BRD4: variants seen among roughly 807,000 people sequenced by gnomAD.
The protein encoded by BRD4 is bromodomain containing 4, also known as bromodomain-containing protein 4.
In BRD4, 16 loss-of-function variants were observed where a neutral mutation model predicts 142.1. The observed-to-expected ratio is 0.11, with a 90% CI of 0.08 to 0.17. BRD4 has a LOEUF of 0.17. Ranked by LOEUF, BRD4 falls within the 10% of genes least tolerant of loss-of-function variation. BRD4 has a pLI of 1.00. For missense variants in BRD4, 1,424 were observed against 1,810.9 expected (o/e 0.79, Z 3.88); for synonymous variants, 833 against 707.5 (o/e 1.18, Z -2.82).
chr19:15,317,923 T>C (rs1158748125), intron 1 of BRD4, among the ~76,000 whole-genome samples: 1 of 152,192 alleles, frequency 6.6e-6, no homozygotes, highest in Non-Finnish European at 1.5e-5. Context: ...AGCTGAATGG[T>C]TTCCTACTGT....
intron 7 of BRD4, chr19:15,257,449 G>C (rs1001077739): frequency 2.8e-5 from 14 of 491,912 alleles, no homozygotes; most frequent in Non-Finnish European, 5.1e-5. Context: ...GCCCAGGCAA[G>C]GACATGAGAC....
Position 15,238,180 on chromosome 19 carries a change from G to A in BRD4, c.*197C>T, listed in dbSNP as rs200341856. On this transcript the variant is annotated 3_prime_UTR_variant, in exon 20 of 20. Transcript: ENST00000679869. This position sits in a 1 kb window ranked among gnomAD's most constrained non-coding sequence, Gnocchi z 7.2. ...TGTGAGGGGTGGTGGGTGGCGGGAC[G>A]TCTGTCCGACTGGCCGTAAGGCAGA... is the stretch of plus-strand genomic sequence containing the variant. 6.1e-6 allele frequency: 5 copies of A among 816,796 alleles called. No individual in the cohort carries two copies. Among genetic ancestry groups the A allele is most frequent in the South Asian group, 3.7e-5 (2 of 54,538 alleles). The allele number at this position is 816,796 out of a possible 1,614,324, so 50.6% of individuals were successfully genotyped here. A position where few individuals can be genotyped will look rare whatever the true frequency, so the allele number is the denominator to read the frequency against.
At chr19:15,259,671 C>A (rs1185109537) in intron 7 of BRD4, among the ~76,000 whole-genome samples, 1 of 152,190 alleles carries the variant, frequency 6.6e-6, no homozygotes, top group Non-Finnish European at 1.5e-5. Flanking sequence ...AACCCACAAG[C>A]CAGTGGGCCC....
At chr19:15,295,047 A>G (rs1415686916) in intron 1 of BRD4, among the ~76,000 whole-genome samples, 4 of 152,250 alleles carry the variant, frequency 2.6e-5, no homozygotes, top group African/African-American at 9.6e-5. Flanking sequence ...CTATTAAATA[A>G]AAGGTTCCAT....
chr19:15,254,527 G>A (rs2047384960), intron 10 of BRD4, among the ~76,000 whole-genome samples: 1 of 152,212 alleles, frequency 6.6e-6, no homozygotes, highest in Non-Finnish European at 1.5e-5. Context: ...AAGGATTCAA[G>A]AGACCAGGCA....
chr19:15,298,423 CTCAGGAGA>C (rs1175294642), intron 1 of BRD4, among the ~76,000 whole-genome samples: 1 of 151,526 alleles, frequency 6.6e-6, no homozygotes, highest in Non-Finnish European at 1.5e-5. Context: ...AGATCACGAG[CTCAGGAGA>C]TCAAGACCAG....
chr19:15,243,559 C>A, intron 13 of BRD4, 72 bp from the exon 14 acceptor site: 1 of 1,460,734 alleles, frequency 6.8e-7, no homozygotes, highest in East Asian at 2.6e-5. Context: ...CTGCTCCATC[C>A]TGACCTCATC....
intron 1 of BRD4, among the ~76,000 whole-genome samples, chr19:15,285,124 A>G (rs1347847406): frequency 6.6e-6 from 1 of 152,220 alleles, no homozygotes; most frequent in African/African-American, 2.4e-5. Context: ...TGCAGACTCA[A>G]GAGTCCATCA....
At chr19:15,243,617 C>A in intron 13 of BRD4, 130 bp from the exon 14 acceptor site, 3 of 1,384,106 alleles carry the variant, frequency 2.2e-6, no homozygotes, top group Non-Finnish European at 2.8e-6. Context: ...GGCACTCCCT[C>A]CCCACCTACC....
Position 15,244,094 on chromosome 19 carries a change from G to A in BRD4, c.2581+137C>T, listed in dbSNP as rs1180773685. 4.7e-6 allele frequency: 7 copies of A among 1,476,648 alleles called. 1 individual carries two copies. The South Asian group carries it at 5.0e-5, about 11-fold the overall frequency. 91.5% of individuals were successfully genotyped at this position (1,476,648 alleles called of 1,614,324 possible). On this transcript the variant is annotated intron_variant, in intron 13 of 19. Coordinates refer to ENST00000679869, the MANE Select transcript of BRD4 (RefSeq NM_001379291.1). ...CTCCTTTAACTTCCAAGATGGCCTC[G>A]AGAAGCCACAGATCTTCCCTCTAGA... is the stretch of plus-strand genomic sequence containing the variant.
In BRD4 at chr19:15,273,142, G is replaced by C; in HGVS notation, c.-34-9C>G. On this transcript the variant is annotated splice_polypyrimidine_tract_variant and intron_variant, in intron 1 of 19. Transcript: ENST00000679869. Reference sequence around the variant, plus strand: ...ATTCTTCACCAGGCACTCTACAAAGGAAGAGAAGAGCCCCCGTGAGATATC... The same window carrying C: ...ATTCTTCACCAGGCACTCTACAAAGCAAGAGAAGAGCCCCCGTGAGATATC... 6.5e-7 allele frequency: 1 copy of C among 1,540,226 alleles called. No individual in the cohort carries two copies. The highest frequency in any genetic ancestry group is 8.8e-7 in the Non-Finnish European group (1 of 1,141,774).
chr19:15,294,926 C>A (rs1439000951), intron 1 of BRD4, among the ~76,000 whole-genome samples: 1 of 152,204 alleles, frequency 6.6e-6, no homozygotes, highest in African/African-American at 2.4e-5. Flanking sequence ...GACCAAAGAA[C>A]ATGACTAACT....
At chr19:15,301,872 A>G (rs976858485) in intron 1 of BRD4, among the ~76,000 whole-genome samples, 1 of 143,720 alleles carries the variant, frequency 7.0e-6, no homozygotes, top group African/African-American at 2.5e-5. Flanking sequence ...AAAGAAAAAA[A>G]AAAAAAAAAA....
chr19:15,297,664 G>C (rs187387289), intron 1 of BRD4, among the ~76,000 whole-genome samples: 2 of 152,282 alleles, frequency 1.3e-5, no homozygotes, highest in Admixed American at 1.3e-4. Context: ...ACATGCCTTT[G>C]CTCAGGGATC....
rs57642262 is a variant in BRD4 at position 15,308,115 on chromosome 19, C to CAAAAAAA, written c.-35+24168_-35+24174dup. ...CAAAAGAGTGAGTGAGACTCCGTCT[C>CAAAAAAA]AAAAAAAAAAAAAAAAAAAAAGTTG... On this transcript the variant is annotated intron_variant, in intron 1 of 19. Coordinates refer to ENST00000679869, the MANE Select transcript of BRD4 (RefSeq NM_001379291.1). 4.1e-3 allele frequency among the ~76,000 whole-genome samples: 86 copies of CAAAAAAA among 21,182 alleles called. 3 individuals carry two copies. The highest frequency in any genetic ancestry group is 0.02 in the African/African-American group (71 of 3,586). The allele number at this position is 21,182 out of a possible 152,430, so 13.9% of individuals were successfully genotyped here.
rs766976215 is a variant in BRD4, at chr19:15,239,238, G to A, written c.3603C>T (p.Ser1201=). 30 of 1,613,118 alleles carry A rather than the reference G, an allele frequency of 1.9e-5. No individual in the cohort carries two copies. Among genetic ancestry groups the A allele is most frequent in the Admixed American group, 6.7e-5 (4 of 60,024 alleles). The change falls in exon 18 of 20, where the codon TCC becomes TCT. Residue 1201 remains serine, a synonymous_variant. Coordinates refer to ENST00000679869, the MANE Select transcript of BRD4 (RefSeq NM_001379291.1). This position sits in a 1 kb window ranked among gnomAD's most constrained non-coding sequence, Gnocchi z 7.4. The stretch of plus-strand genomic sequence containing the variant: ...GATGCTTCTGCACTAGGCTGGCCCA[G>A]GAGCCCATGTTCTTGATTTTCAGGT... ...KKDLKIKNMG[S]WASLVQKHPT...
chr19:15,261,024 T>C (rs1396544215), intron 7 of BRD4, among the ~76,000 whole-genome samples: 1 of 152,186 alleles, frequency 6.6e-6, no homozygotes, highest in African/African-American at 2.4e-5. Context: ...TGCTGAGTTC[T>C]TCCTATGAGA....
Position 15,236,211 on chromosome 19 carries a change from C to A in BRD4, c.*2166G>T, listed in dbSNP as rs1419189642. The A allele has an allele frequency of 6.6e-6, 1 of 152,224 alleles. No homozygotes were observed. Among genetic ancestry groups the A allele is most frequent in the East Asian group, 1.9e-4 (1 of 5,192 alleles). 9.4% of individuals were successfully genotyped at this position (152,224 alleles called of 1,614,324 possible). On this transcript the variant is annotated 3_prime_UTR_variant, in exon 20 of 20. Transcript: ENST00000679869. ...AAATGTTTCAATCAGTTTGTCTCTGCATACATATAAATTATATACTTGTAT... is the reference window on the plus strand; with the variant it reads ...AAATGTTTCAATCAGTTTGTCTCTGAATACATATAAATTATATACTTGTAT...
Position 15,257,736 on chromosome 19 carries a change from T to C in BRD4, c.1342-563A>G, listed in dbSNP as rs112316468. 3.8e-3 allele frequency among the ~76,000 whole-genome samples: 586 copies of C among 152,252 alleles called. 6 individuals are homozygous for C. Among genetic ancestry groups the C allele is most frequent in the African/African-American group, 0.013 (551 of 41,548 alleles). The stretch of plus-strand genomic sequence containing the variant: ...GTCTCCTCATTCCTCAGATAGCCCC[T>C]GCAGCACTTAACCAAGCAGGGCTGC... On this transcript the variant is annotated intron_variant, in intron 7 of 19. Coordinates refer to ENST00000679869, the MANE Select transcript of BRD4 (RefSeq NM_001379291.1).
Sources: gnomAD v4.1 joint callset for allele counts (sites outside exome capture counted in the v4.1 genomes callset) on GRCh38, gnomAD v4.1.1 for gene constraint, Gnocchi (gnomAD v3.1) non-coding constraint, MANE v1.5 for transcripts, NCBI Gene and HGNC (gene_info 2026-07-23, HGNC 2026-07-21) for gene names.